The following GOLGA6L2 variants were observed in gnomAD, a reference collection of about 807,000 sequenced individuals.
GOLGA6L2 encodes the protein golgin subfamily A member 6-like protein 2.
GOLGA6L2 carries 30 observed loss-of-function variants against 35.9 expected under a neutral mutation model. The ratio of observed to expected loss-of-function variants is 0.83; its 90% confidence interval spans 0.62 to 1.13. The LOEUF (loss-of-function observed/expected upper bound fraction) is 1.13, where lower values mean the gene tolerates loss of function less well. Ranked by LOEUF, GOLGA6L2 falls within the 50% of genes most tolerant of loss-of-function variation. The pLI, the probability that GOLGA6L2 is intolerant of heterozygous loss-of-function variation, is 0.00. For missense variants in GOLGA6L2, 821 were observed against 973.4 expected (o/e 0.84, Z 2.08); for synonymous variants, 297 against 344.0 (o/e 0.86, Z 1.51).
In GOLGA6L2 at chr15:23,441,593, C is replaced by A. The variant is rs1342181783; in HGVS notation, c.882G>T (p.Lys294Asn). 6 of 1,549,242 alleles carry A rather than the reference C, an allele frequency of 3.9e-6. No homozygotes were observed. The Admixed American group carries it at 9.8e-5, about 25-fold the overall frequency. ...GCAGTCTCTCCTCCTGTCTCCACATCTTCTCCTCCTGCTTCCGTATCTTCT... is the reference window on the plus strand; with the variant it reads ...GCAGTCTCTCCTCCTGTCTCCACATATTCTCCTCCTGCTTCCGTATCTTCT... The part of the protein sequence containing the change: ...QEKKIRKQEE[K>N]MWRQEERLRE... Residue 294 changes from lysine to asparagine, a missense_variant, in exon 8 of 8, where the codon AAG becomes AAT. Coordinates refer to ENST00000567107, the MANE Select transcript of GOLGA6L2 (RefSeq NM_001304388.2).
At chr15:23,447,025 G>A in intron 1 of GOLGA6L2, 73 bp downstream of exon 1, 1 of 746,404 alleles carries the variant, frequency 1.3e-6, no homozygotes, top group South Asian at 1.6e-5. Flanking sequence ...CATGGACTCT[G>A]GCAGATGTTC....
Position 23,441,580 on chromosome 15 carries a change from C to T in GOLGA6L2, c.895G>A (p.Glu299Lys). Residue 299 changes from glutamate (E) to lysine (K), a missense_variant, in exon 8 of 8, where the codon GAG (glutamate) becomes AAG (lysine). Coordinates refer to ENST00000567107, the MANE Select transcript of GOLGA6L2 (RefSeq NM_001304388.2). ...CCCTCCTGCTCCCGCAGTCTCTCCT[C>T]CTGTCTCCACATCTTCTCCTCCTGC... ...RKQEEKMWRQEERLREQEGKM... is the reference protein window; with the variant it reads ...RKQEEKMWRQKERLREQEGKM... 6.5e-7 allele frequency: 1 copy of T among 1,548,820 alleles called. No homozygotes were observed. Among genetic ancestry groups the T allele is most frequent in the Non-Finnish European group, 8.7e-7 (1 of 1,146,746 alleles).
chr15:23,442,615 C>A (rs1009529973), intron 5 of GOLGA6L2, 107 bp from the exon 6 acceptor site: 33 of 1,052,130 alleles, frequency 3.1e-5, no homozygotes, highest in Non-Finnish European at 4.4e-5. Context: ...CCTCACTCTC[C>A]ATCACACCCG....
Position 23,444,476 on chromosome 15 carries a change from T to C in GOLGA6L2, c.238A>G (p.Lys80Glu). 6.9e-6 allele frequency: 11 copies of C among 1,600,196 alleles called. No individual in the cohort carries two copies. The highest frequency in any genetic ancestry group is 9.3e-6 in the Non-Finnish European group (11 of 1,179,810). Residue 80 changes from lysine to glutamate, a missense_variant, in exon 3 of 8, where the codon AAA becomes GAA. By Grantham distance (56) the Lys-to-Glu change is moderately conservative (BLOSUM62 1). Transcript: ENST00000567107. Reference protein sequence around the residue: ...EDTQQNRAQLKEEKKASHQHQ... With the variant: ...EDTQQNRAQLEEEKKASHQHQ... ...GAGCAAACAAATCACGTTACTTCTT[T>C]CAGCTGCGCTCGGTTCTGTTGTGTC...
At chr15:23,446,143 T>C (rs1348291424) in intron 1 of GOLGA6L2, among the ~76,000 whole-genome samples, 1 of 152,174 alleles carries the variant, frequency 6.6e-6, no homozygotes, top group Non-Finnish European at 1.5e-5. Flanking sequence ...CACTGACTGA[T>C]GGGCAATCTG....
Position 23,441,078 on chromosome 15 carries a change from A to AG in GOLGA6L2, c.1396_1397insC (p.Met466ThrfsTer181). On this transcript the variant is annotated frameshift_variant, in exon 8 of 8. Coordinates refer to ENST00000567107, the MANE Select transcript of GOLGA6L2 (RefSeq NM_001304388.2). LOFTEE classifies it low-confidence loss of function (END_TRUNC). ...CTGCATCTTCTCCTCCTGCTCCCGC[A>AG]TCGTCTCCTCCTCTTCCCGCATCTT... The AG allele has an allele frequency of 6.5e-7, 1 of 1,529,032 alleles. No individual in the cohort carries two copies. Among genetic ancestry groups the AG allele is most frequent in the East Asian group, 2.5e-5 (1 of 40,178 alleles). The allele number at this position is 1,529,032 out of a possible 1,614,324, so 94.7% of individuals were successfully genotyped here.
rs191898408 is a variant in GOLGA6L2, at chr15:23,447,174, G to C, written c.8C>G (p.Pro3Arg). 1.5e-4 allele frequency: 228 copies of C among 1,569,916 alleles called. 3 individuals carry two copies. In the East Asian group the frequency reaches 5.0e-3, roughly 35 times the overall value. The change falls in exon 1 of 8, where the codon CCC (proline) becomes CGC (arginine). Residue 3 changes from proline to arginine, a missense_variant. Physicochemically the swap from Pro to Arg is moderately radical, Grantham distance 103 (BLOSUM62 -2). Around this residue, in one of 7 missense-constraint regions of GOLGA6L2, gnomAD observed 48 missense variants for 31.7 expected, o/e 1.51. Coordinates refer to ENST00000567107, the MANE Select transcript of GOLGA6L2 (RefSeq NM_001304388.2). ...GGGGTGGGGAGGGAGGTGGGGTTGG[G>C]GCCACATCAGCGTGATTCAGACGAG... MW[P>R]QPHLPPHPMM...
intron 3 of GOLGA6L2, 54 bp downstream of exon 3, chr15:23,444,417 T>A: frequency 6.3e-7 from 1 of 1,582,908 alleles, no homozygotes; most frequent in African/African-American, 1.3e-5. Context: ...GGCCTCTACA[T>A]CTGAGTGCCC....
chr15:23,443,094 G>T (rs1202700496), intron 5 of GOLGA6L2, among the ~76,000 whole-genome samples: 1 of 152,170 alleles, frequency 6.6e-6, no homozygotes, highest in Non-Finnish European at 1.5e-5. Context: ...AAAACATGGG[G>T]TATTAAAAGT....
chr15:23,446,289 C>T (rs534785659), intron 1 of GOLGA6L2, among the ~76,000 whole-genome samples: 7 of 152,268 alleles, frequency 4.6e-5, no homozygotes, highest in African/African-American at 1.4e-4. Context: ...ACAATGTCAA[C>T]ATTTTGAGTT....
intron 5 of GOLGA6L2, among the ~76,000 whole-genome samples, 168 bp downstream of exon 5, chr15:23,443,609 A>G (rs375130685): frequency 2.0e-4 from 31 of 152,298 alleles, no homozygotes; most frequent in African/African-American, 7.2e-4. Flanking sequence ...CACCCACAGC[A>G]GCTGACTCAG....
rs548632949 is a variant in GOLGA6L2, at chr15:23,441,075, C to T, written c.1400G>A (p.Arg467Gln). The change falls in exon 8 of 8, where the codon CGG becomes CAG. Residue 467 changes from arginine to glutamine, a missense_variant. By Grantham distance (43) the Arg-to-Gln change is conservative. Transcript: ENST00000567107. ...CTTCTGCATCTTCTCCTCCTGCTCC[C>T]GCATCGTCTCCTCCTCTTCCCGCAT... The part of the protein sequence containing the change: ...KKMREEEETM[R>Q]EQEEKMQKQE... The T allele has an allele frequency of 7.6e-5, 117 of 1,533,152 alleles. 2 individuals carry two copies. The South Asian group carries it at 1.2e-3, about 16-fold the overall frequency. The allele number at this position is 1,533,152 out of a possible 1,614,324, so 95.0% of individuals were successfully genotyped here.
rs1169228494 is a variant in GOLGA6L2 at position 23,440,845 on chromosome 15, C to T, written c.1630G>A (p.Asp544Asn). 1 of 1,508,524 alleles carries T rather than the reference C, an allele frequency of 6.6e-7. No homozygotes were observed. Among genetic ancestry groups the T allele is most frequent in the Non-Finnish European group, 8.9e-7 (1 of 1,123,730 alleles). 93.4% of individuals were successfully genotyped at this position (1,508,524 alleles called of 1,614,324 possible). A position where few individuals can be genotyped will look rare whatever the true frequency, so the allele number is the denominator to read the frequency against. The change falls in exon 8 of 8, where the codon GAT becomes AAT. Residue 544 changes from aspartate to asparagine, a missense_variant. Asp to Asn is a conservative substitution (Grantham distance 23, BLOSUM62 1). Coordinates refer to ENST00000567107, the MANE Select transcript of GOLGA6L2 (RefSeq NM_001304388.2). ...GCAGCCTCTCCTCCTGTCTCCACATCTTCCTGCTCCCGCATCTTCTCCTGC... is the reference window on the plus strand; with the variant it reads ...GCAGCCTCTCCTCCTGTCTCCACATTTTCCTGCTCCCGCATCTTCTCCTGC... ...WRQEKMREQEDVETGGEAAGA... is the reference protein window; with the variant it reads ...WRQEKMREQENVETGGEAAGA...
At position 23,441,918 on chromosome 15, in the gene GOLGA6L2, C is replaced by CCCTAT. The variant is rs1408955678; in HGVS notation, c.792+60_792+61insATAGG. ...GGACCCTCCCCATACCTTGCATGAT[C>CCCTAT]CCTAGACCATGGTCCTAGCTGGATG... On this transcript the variant is annotated intron_variant, in intron 7 of 7. Coordinates refer to ENST00000567107, the MANE Select transcript of GOLGA6L2 (RefSeq NM_001304388.2). The CCCTAT allele has an allele frequency of 5.9e-6, 9 of 1,522,160 alleles. No individual in the cohort carries two copies. The Admixed American group carries it at 1.6e-4, about 28-fold the overall frequency. 94.3% of individuals were successfully genotyped at this position (1,522,160 alleles called of 1,614,324 possible).
intron 4 of GOLGA6L2, 29 bp from the exon 5 acceptor site, chr15:23,444,102 A>G: frequency 6.3e-7 from 1 of 1,587,134 alleles, no homozygotes; most frequent in Non-Finnish European, 8.5e-7. Context: ...GCAAGTGCTG[A>G]AAGAGAAGCA....
chr15:23,444,323 A>G, intron 3 of GOLGA6L2, 111 bp from the exon 4 acceptor site: 1 of 1,472,638 alleles, frequency 6.8e-7, no homozygotes. Context: ...CCATGGGACC[A>G]GGTTATCAGG....
At chr15:23,443,154 G>A (rs990658209) in intron 5 of GOLGA6L2, among the ~76,000 whole-genome samples, 2 of 152,136 alleles carry the variant, frequency 1.3e-5, no homozygotes, top group Non-Finnish European at 2.9e-5. Context: ...TCAACACCCA[G>A]GTGTATCTGA....
chr15:23,439,640 A>T lies in GOLGA6L2; in HGVS notation c.*105T>A. The T allele has an allele frequency of 6.5e-7, 1 of 1,536,410 alleles. No homozygotes were observed. Among genetic ancestry groups the T allele is most frequent in the Non-Finnish European group, 8.7e-7 (1 of 1,146,910 alleles). ...TCCTGGGCACTGCTGGGCGTTCTTC[A>T]TCCCACAAAACAGCTGCATGATCTC... On this transcript the variant is annotated 3_prime_UTR_variant, in exon 8 of 8. Transcript: ENST00000567107.
Position 23,447,138 on chromosome 15 carries a change from T to G in GOLGA6L2, c.44A>C (p.Glu15Ala). 1 of 1,551,302 alleles carries G rather than the reference T, an allele frequency of 6.4e-7. No individual in the cohort carries two copies. Among genetic ancestry groups the G allele is most frequent in the Non-Finnish European group, 8.8e-7 (1 of 1,134,240 alleles). The change falls in exon 1 of 8, where the codon GAA (glutamate) becomes GCA (alanine). Residue 15 changes from glutamate to alanine, a missense_variant. Glu to Ala is a moderately radical substitution (Grantham distance 107). Around this residue, in one of 7 missense-constraint regions of GOLGA6L2, gnomAD observed 48 missense variants for 31.7 expected, o/e 1.51. Transcript: ENST00000567107. ...AGCCAATTTGTTCTGTCTGGTTTTT[T>G]CTGACATCATGGGGTGGGGAGGGAG... is the stretch of plus-strand genomic sequence containing the variant. ...PHLPPHPMMS[E>A]KTRQNKLAEA...
Sources: allele counts gnomAD v4.1 joint callset (sites outside exome capture counted in the v4.1 genomes callset), GRCh38; gene constraint gnomAD v4.1.1; regional missense constraint gnomAD v4.1.1; transcripts MANE v1.5; gene names NCBI Gene and HGNC (gene_info 2026-07-23, HGNC 2026-07-21).